LYRM4: variants seen among roughly 807,000 people sequenced by gnomAD.
The protein encoded by LYRM4 is LYR motif-containing protein 4.
A neutral mutation model predicts 11.7 loss-of-function variants in LYRM4; 9 were observed. The ratio of observed to expected loss-of-function variants is 0.77; its 90% CI spans 0.46 to 1.34. LYRM4 has a LOEUF of 1.34. Ranked by LOEUF, LYRM4 falls within the 40% of genes most tolerant of loss-of-function variation. LYRM4 has a pLI of 0.00. For synonymous variants in LYRM4, 42 were observed against 40.4 expected, an observed-to-expected ratio of 1.04 and a Z score of -0.15; for missense variants, 133 against 112.5, an observed-to-expected ratio of 1.18 and a Z score of -0.82.
chr6:5,086,250 C>T, the LYRM4 span: 2 of 1,535,560 alleles, frequency 1.3e-6, no homozygotes, highest in South Asian at 1.2e-5. Flanking sequence ...ACACCTTTAC[C>T]GAGTGGCGCT....
chr6:5,217,224 C>T (rs1028548346), intron 1 of LYRM4, among the ~76,000 whole-genome samples: 2 of 152,242 alleles, frequency 1.3e-5, no homozygotes, highest in African/African-American at 4.8e-5. Context: ...GTGACCTATG[C>T]TTTCCAGTCC....
At chr6:5,206,590 G>A (rs1402188463) in intron 2 of LYRM4, among the ~76,000 whole-genome samples, 2 of 152,186 alleles carry the variant, frequency 1.3e-5, no homozygotes, top group Non-Finnish European at 2.9e-5. Flanking sequence ...GAGGCCTAGA[G>A]GTGAGGACTT....
rs113070777 is a variant in LYRM4 at position 5,191,533 on chromosome 6, T to C, written c.207+25085A>G. 5.2e-3 allele frequency among the ~76,000 whole-genome samples: 796 copies of C among 152,328 alleles called. 5 individuals carry two copies. Among genetic ancestry groups the C allele is most frequent in the Non-Finnish European group, 8.5e-3 (576 of 68,024 alleles). On this transcript the variant is annotated intron_variant, in intron 2 of 2. Transcript: ENST00000330636. ...AGTTTGTGAAACTAGGAATGAGAAC[T>C]GAGATAGATTAGTGACAAATTTACC...
chr6:5,171,782 T>C (rs548562899), intron 2 of LYRM4, among the ~76,000 whole-genome samples: 21 of 152,330 alleles, frequency 1.4e-4, no homozygotes, highest in Admixed American at 5.9e-4. Context: ...TTGTAGGTGA[T>C]GAGATTTCCC....
chr6:5,214,198 T>C (rs1333173921), intron 2 of LYRM4, among the ~76,000 whole-genome samples: 1 of 152,188 alleles, frequency 6.6e-6, no homozygotes, highest in Non-Finnish European at 1.5e-5. Context: ...TCACAAAAAC[T>C]AAGGCAGGGC....
At chr6:5,076,741 G>A in the LYRM4 span, among the ~76,000 whole-genome samples, 1 of 152,192 alleles carries the variant, frequency 6.6e-6, no homozygotes, top group East Asian at 1.9e-4. Flanking sequence ...GGATGTTGGA[G>A]ATCTTAGAAT....
chr6:5,229,420 C>T (rs913794649), intron 1 of LYRM4, among the ~76,000 whole-genome samples: 8 of 152,118 alleles, frequency 5.3e-5, no homozygotes, highest in Admixed American at 1.3e-4. Context: ...AAAAGGCAGA[C>T]GTCTGATTAC....
At chr6:5,222,840 C>CAG (rs60142450) in intron 1 of LYRM4, among the ~76,000 whole-genome samples, 7,447 of 110,700 alleles carry the variant, frequency 0.067, 598 homozygotes, top group African/African-American at 0.2. Context: ...TGAATTAAAA[C>CAG]AAGACAAACT....
chr6:5,260,611 G>GGCCCCCCCCC, intron 1 of LYRM4, 37 bp downstream of exon 1: 2 of 1,377,682 alleles, frequency 1.5e-6, no homozygotes, highest in Non-Finnish European at 2.0e-6. Context: ...CCGGCCCCTG[G>GGCCCCCCCCC]CCCCCCGCCC....
chr6:5,116,949 G>C (rs1486204494), intron 2 of LYRM4, among the ~76,000 whole-genome samples: 1 of 152,200 alleles, frequency 6.6e-6, no homozygotes, highest in African/African-American at 2.4e-5. Context: ...CTATCTGATG[G>C]GGGTCCCAGA....
chr6:5,191,034 T>C (rs948690120), intron 2 of LYRM4, among the ~76,000 whole-genome samples: 4 of 152,168 alleles, frequency 2.6e-5, no homozygotes, highest in African/African-American at 9.7e-5. Context: ...GTTATTTTAA[T>C]AAGAATTTTT....
the LYRM4 span, among the ~76,000 whole-genome samples, chr6:5,065,460 G>A: frequency 6.6e-6 from 1 of 152,072 alleles, no homozygotes; most frequent in Non-Finnish European, 1.5e-5. Context: ...TACTTTCTAA[G>A]CTTAATAATG....
chr6:5,213,987 C>T (rs780285395), intron 2 of LYRM4, among the ~76,000 whole-genome samples: 25 of 152,352 alleles, frequency 1.6e-4, no homozygotes, highest in Non-Finnish European at 3.1e-4. Flanking sequence ...AAATATCTTG[C>T]TCAGAGTGAC....
chr6:5,156,291 C>G (rs1758407404), intron 2 of LYRM4, among the ~76,000 whole-genome samples: 1 of 152,214 alleles, frequency 6.6e-6, no homozygotes, highest in Non-Finnish European at 1.5e-5. Flanking sequence ...CACTGTGCTT[C>G]AGGTGGAGAG....
In LYRM4 at chr6:5,251,703, G is replaced by T. The variant is rs117671221; in HGVS notation, c.86+8945C>A. ...CTCCAACACGGGGGATTGCATTTCA[G>T]CATGAGATCTGGGTGGAGACAACAT... On this transcript the variant is annotated intron_variant, in intron 1 of 2. Coordinates refer to ENST00000330636, the MANE Select transcript of LYRM4 (RefSeq NM_020408.6). 5.9e-5 allele frequency among the ~76,000 whole-genome samples: 9 copies of T among 152,322 alleles called. No homozygotes were observed. The East Asian group carries it at 1.7e-3, about 29-fold the overall frequency.
At chr6:5,203,225 A>G (rs971534772) in intron 2 of LYRM4, among the ~76,000 whole-genome samples, 3 of 152,228 alleles carry the variant, frequency 2.0e-5, no homozygotes, top group Non-Finnish European at 4.4e-5. Flanking sequence ...ACAGAAATCC[A>G]AGGAAAATTT....
At chr6:5,199,506 G>A (rs575252780) in intron 2 of LYRM4, among the ~76,000 whole-genome samples, 1 of 152,270 alleles carries the variant, frequency 6.6e-6, no homozygotes, top group South Asian at 2.1e-4. Flanking sequence ...CTTCAAATGG[G>A]TGAATTTTGT....
chr6:5,057,524 C>G, the LYRM4 span, among the ~76,000 whole-genome samples: 14 of 152,060 alleles, frequency 9.2e-5, no homozygotes, highest in African/African-American at 2.7e-4. Context: ...CGAGACCAGC[C>G]TGGCCAAGAT....
chr6:5,083,190 T>TGCCC, the LYRM4 span, among the ~76,000 whole-genome samples: 15 of 152,250 alleles, frequency 9.9e-5, no homozygotes, highest in Non-Finnish European at 2.2e-4. Flanking sequence ...AGTGAGCATG[T>TGCCC]GCCCCCGTGA....
Sources: gnomAD v4.1 joint callset for allele counts (sites outside exome capture counted in the v4.1 genomes callset) on GRCh38, gnomAD v4.1.1 for gene constraint, MANE v1.5 for transcripts, NCBI Gene and HGNC (gene_info 2026-07-23, HGNC 2026-07-21) for gene names.